The following TMCC1 variants were observed in gnomAD, a reference collection of about 807,000 sequenced individuals.
TMCC1 encodes the protein transmembrane and coiled-coil domain family 1.
TMCC1 carries 15 observed loss-of-function variants against 52.4 expected under a neutral mutation model. That is an observed-to-expected ratio of 0.29 (90% CI 0.19 to 0.44). The LOEUF (loss-of-function observed/expected upper bound fraction) is 0.44. Ranked by LOEUF, TMCC1 falls within the 20% of genes least tolerant of loss-of-function variation. TMCC1 has a pLI of 1.00. For synonymous variants in TMCC1, 279 were observed against 301.9 expected, an observed-to-expected ratio of 0.92 and a Z score of 0.79; for missense variants, 503 against 806.0, an observed-to-expected ratio of 0.62 and a Z score of 4.55.
At chr3:129,841,740 C>T (rs1245546372) in intron 2 of TMCC1, among the ~76,000 whole-genome samples, 1 of 152,128 alleles carries the variant, frequency 6.6e-6, no homozygotes, top group Non-Finnish European at 1.5e-5. Flanking sequence ...AACCCATTTT[C>T]TGGGGGAGAA....
chr3:129,655,139 T>C, intron 5 of TMCC1, 36 bp from the exon 6 acceptor site: 1 of 1,600,940 alleles, frequency 6.2e-7, no homozygotes, highest in Non-Finnish European at 8.5e-7. Context: ...TTTTATGAAT[T>C]CTGTGAATAT....
intron 6 of TMCC1, 112 bp downstream of exon 6, chr3:129,654,856 G>T: frequency 7.0e-7 from 1 of 1,419,628 alleles, no homozygotes; most frequent in Non-Finnish European, 9.6e-7. Flanking sequence ...TACACAGTTG[G>T]TATAAGCTTT....
At chr3:129,863,691 G>A (rs968720687) in intron 2 of TMCC1, among the ~76,000 whole-genome samples, 6 of 152,022 alleles carry the variant, frequency 3.9e-5, no homozygotes, top group African/African-American at 7.2e-5. Context: ...GTGAAACCCC[G>A]TCTCTACTAA....
intron 5 of TMCC1, among the ~76,000 whole-genome samples, chr3:129,663,338 A>G (rs2087189670): frequency 6.6e-6 from 1 of 152,222 alleles, no homozygotes; most frequent in African/African-American, 2.4e-5. Flanking sequence ...AGGAAGAACT[A>G]GGTCCCAGGA....
chr3:129,699,134 G>A (rs928597573), intron 4 of TMCC1, among the ~76,000 whole-genome samples: 11 of 152,152 alleles, frequency 7.2e-5, no homozygotes, highest in Non-Finnish European at 1.6e-4. Flanking sequence ...CCAAGGCAGA[G>A]TATCAGAGGC....
intron 4 of TMCC1, among the ~76,000 whole-genome samples, chr3:129,770,085 A>G (rs1443379175): frequency 6.6e-6 from 1 of 152,202 alleles, no homozygotes; most frequent in African/African-American, 2.4e-5. Flanking sequence ...CTTATATGTT[A>G]TTAAAGGAGA....
intron 4 of TMCC1, among the ~76,000 whole-genome samples, chr3:129,761,327 CAAAAAAA>C (rs59160769): frequency 7.0e-4 from 43 of 61,230 alleles, no homozygotes; most frequent in African/African-American, 2.2e-3. Context: ...GACTCCGTCT[CAAAAAAA>C]AAAAAAAAAA....
At chr3:129,886,708 G>A (rs1041211905) in intron 1 of TMCC1, among the ~76,000 whole-genome samples, 1 of 152,052 alleles carries the variant, frequency 6.6e-6, no homozygotes, top group African/African-American at 2.4e-5. Context: ...GGGAGGCTGA[G>A]GCGGACCAAT....
At chr3:129,668,280 G>A (rs768554758) in intron 5 of TMCC1, among the ~76,000 whole-genome samples, 1 of 152,212 alleles carries the variant, frequency 6.6e-6, no homozygotes, top group Non-Finnish European at 1.5e-5. Context: ...ATGTCTTCAT[G>A]TTCTAAGTGG....
intron 4 of TMCC1, among the ~76,000 whole-genome samples, chr3:129,798,343 C>T (rs1485201676): frequency 2.0e-5 from 3 of 151,982 alleles, no homozygotes; most frequent in East Asian, 1.9e-4. Context: ...CCATTTTTCT[C>T]GCAGAGATAG....
intron 2 of TMCC1, among the ~76,000 whole-genome samples, chr3:129,868,323 A>G (rs1057235836): frequency 2.6e-5 from 4 of 152,206 alleles, no homozygotes; most frequent in Admixed American, 6.5e-5. Flanking sequence ...GCAGAAAAAA[A>G]TTATCTGTTT....
At chr3:129,818,176 C>G (rs1377371865) in intron 4 of TMCC1, among the ~76,000 whole-genome samples, 2 of 151,946 alleles carry the variant, frequency 1.3e-5, no homozygotes, top group Non-Finnish European at 2.9e-5. Flanking sequence ...CTCCCAACCT[C>G]AAGTGATCCA....
At position 129,763,214 on chromosome 3, in the gene TMCC1, AT is replaced by A. The variant is rs1372831240; in HGVS notation, c.576+64588del. On this transcript the variant is annotated intron_variant, in intron 4 of 6. Transcript: ENST00000393238. ...CTCTGTCTCAAAAAATAAAAAATAA[AT>A]AAATAAATAAATAAATAAATAAATA... Among the ~76,000 whole-genome samples, 440 of 103,384 alleles carry A rather than the reference AT, an allele frequency of 4.3e-3. 21 individuals carry two copies. Among genetic ancestry groups the A allele is most frequent in the African/African-American group, 0.016 (333 of 20,996 alleles). 67.8% of individuals were successfully genotyped at this position (103,384 alleles called of 152,430 possible). A position where few individuals can be genotyped will look rare whatever the true frequency, so the allele number is the denominator to read the frequency against.
chr3:129,660,131 C>T (rs2086925284), intron 5 of TMCC1, among the ~76,000 whole-genome samples: 1 of 152,110 alleles, frequency 6.6e-6, no homozygotes, highest in Non-Finnish European at 1.5e-5. Flanking sequence ...CCACTTCTGA[C>T]TTTTTTCTCT....
At chr3:129,826,403 A>G (rs544770243) in intron 4 of TMCC1, among the ~76,000 whole-genome samples, 1 of 151,498 alleles carries the variant, frequency 6.6e-6, no homozygotes, top group South Asian at 2.1e-4. Context: ...GCTACTCAGG[A>G]GGCTGAGGTG....
chr3:129,722,659 G>A (rs1464727602), intron 4 of TMCC1, among the ~76,000 whole-genome samples: 1 of 151,976 alleles, frequency 6.6e-6, no homozygotes, highest in African/African-American at 2.4e-5. Flanking sequence ...CTCTTTTACT[G>A]TTAGTCTCCA....
intron 4 of TMCC1, among the ~76,000 whole-genome samples, chr3:129,765,151 A>G (rs1383866691): frequency 1.3e-5 from 2 of 150,130 alleles, no homozygotes; most frequent in African/African-American, 4.9e-5. Context: ...AAAAAACCCC[A>G]AAAGTCACCT....
intron 5 of TMCC1, among the ~76,000 whole-genome samples, chr3:129,659,094 CT>C (rs902362203): frequency 0.069 from 8,930 of 129,938 alleles, 382 homozygotes; most frequent in East Asian, 0.18. Context: ...TTCTTTCTTT[CT>C]TTTTTTTTTT....
intron 4 of TMCC1, among the ~76,000 whole-genome samples, chr3:129,752,677 C>T (rs2052636693): frequency 6.6e-6 from 1 of 151,898 alleles, no homozygotes; most frequent in Admixed American, 6.6e-5. Flanking sequence ...CACACACACA[C>T]ACACAAAAAC....
Sources: allele counts gnomAD v4.1 joint callset (sites outside exome capture counted in the v4.1 genomes callset), GRCh38; gene constraint gnomAD v4.1.1; transcripts MANE v1.5; gene names NCBI Gene and HGNC (gene_info 2026-07-23, HGNC 2026-07-21).